The following LOXL2 variants were observed in gnomAD, a reference collection of about 807,000 sequenced individuals.
LOXL2 encodes the protein lysyl oxidase homolog 2.
In LOXL2, 70 loss-of-function variants were observed where a neutral mutation model predicts 93.0. The observed-to-expected ratio is 0.75, with a 90% confidence interval of 0.62 to 0.92. The LOEUF is 0.92. Ranked by LOEUF, LOXL2 falls within the 40% of genes least tolerant of loss-of-function variation. The pLI is 0.00. For synonymous variants in LOXL2, 438 were observed against 413.2 expected (o/e 1.06, Z -0.73); for missense variants, 973 against 1,054.9 (o/e 0.92, Z 1.08).
intron 10 of LOXL2, 35 bp from the exon 11 acceptor site, chr8:23,303,432 T>C (rs1269126678): frequency 7.8e-7 from 1 of 1,283,174 alleles, no homozygotes; most frequent in South Asian, 1.2e-5. Flanking sequence ...GAGGTCAGTT[T>C]CTGGAGCAAC....
Position 23,297,339 on chromosome 8 carries a change from C to T in LOXL2, c.*704G>A, listed in dbSNP as rs1486677190. On this transcript the variant is annotated 3_prime_UTR_variant, in exon 14 of 14. Coordinates refer to ENST00000389131, the MANE Select transcript of LOXL2 (RefSeq NM_002318.3). ...ACAACAGGAAGATGAGTCACTTACACAGTGGGTTGGTTTTTCCTTAGATTT... is the reference window on the plus strand; with the variant it reads ...ACAACAGGAAGATGAGTCACTTACATAGTGGGTTGGTTTTTCCTTAGATTT... The T allele has an allele frequency of 6.6e-6, 1 of 152,214 alleles. No homozygotes were observed. Among genetic ancestry groups the T allele is most frequent in the East Asian group, 1.9e-4 (1 of 5,200 alleles). 9.4% of individuals were successfully genotyped at this position (152,214 alleles called of 1,614,324 possible).
chr8:23,355,308 C>T (rs1804175993), intron 3 of LOXL2, among the ~76,000 whole-genome samples: 1 of 130,356 alleles, frequency 7.7e-6, no homozygotes, highest in South Asian at 2.5e-4. Context: ...TGAAGAGAAC[C>T]ATCTCCCCCC....
chr8:23,397,778 C>CA lies in LOXL2; in HGVS notation c.-84+6175dup, dbSNP rs57059999. Among the ~76,000 whole-genome samples, 756 of 90,676 alleles carry CA rather than the reference C, an allele frequency of 8.3e-3. 4 individuals are homozygous for CA. Among genetic ancestry groups the CA allele is most frequent in the East Asian group, 0.033 (100 of 3,070 alleles). The allele number at this position is 90,676 out of a possible 152,430, so 59.5% of individuals were successfully genotyped here. On this transcript the variant is annotated intron_variant, in intron 1 of 13. Transcript: ENST00000389131. ...TGGGCAACAGAGCAAGACTCTGTCT[C>CA]AAAAAAAAAAAAAAAAAAGAAAGAA...
chr8:23,327,239 C>A (rs964687859), intron 6 of LOXL2, among the ~76,000 whole-genome samples: 2 of 152,238 alleles, frequency 1.3e-5, no homozygotes, highest in African/African-American at 4.8e-5. Flanking sequence ...ATGAGCTCCA[C>A]TTCTAGAAGG....
intron 1 of LOXL2, chr8:23,386,056 A>G (rs759624125): frequency 2.6e-6 from 2 of 765,060 alleles, no homozygotes; most frequent in East Asian, 2.4e-5. Flanking sequence ...CTAAGGAAAA[A>G]CCGAGAGACA....
chr8:23,301,966 C>A, intron 12 of LOXL2, 61 bp downstream of exon 12: 1 of 1,596,858 alleles, frequency 6.3e-7, no homozygotes, highest in Non-Finnish European at 8.6e-7. Flanking sequence ...GGGAAGGAGC[C>A]TGTGGAGGTG....
chr8:23,334,201 G>A (rs1803752363), intron 4 of LOXL2, among the ~76,000 whole-genome samples: 1 of 152,162 alleles, frequency 6.6e-6, no homozygotes. Context: ...ACCACGCCCA[G>A]CTAATTTTTG....
At chr8:23,403,239 C>T (rs1304551455) in intron 1 of LOXL2, among the ~76,000 whole-genome samples, 1 of 152,274 alleles carries the variant, frequency 6.6e-6, no homozygotes, top group South Asian at 2.1e-4. Flanking sequence ...CGCTCGTGCC[C>T]GTTCTTTCCA....
intron 3 of LOXL2, among the ~76,000 whole-genome samples, chr8:23,344,972 C>T (rs977472677): frequency 1.3e-5 from 2 of 152,192 alleles, no homozygotes; most frequent in African/African-American, 4.8e-5. Context: ...ACCCCAACCA[C>T]AGCGCCCTGT....
At chr8:23,303,661 G>A (rs1803178757) in intron 10 of LOXL2, among the ~76,000 whole-genome samples, 1 of 152,186 alleles carries the variant, frequency 6.6e-6, no homozygotes, top group South Asian at 2.1e-4. Flanking sequence ...GTAATGCATG[G>A]GGTGCTGTGG....
intron 1 of LOXL2, among the ~76,000 whole-genome samples, chr8:23,375,544 C>G (rs1173074178): frequency 5.3e-5 from 8 of 152,122 alleles, no homozygotes; most frequent in Admixed American, 5.2e-4. Flanking sequence ...GGCAGTATGG[C>G]CATTTTCACG....
At chr8:23,377,617 G>A (rs1037704878) in intron 1 of LOXL2, among the ~76,000 whole-genome samples, 2 of 152,124 alleles carry the variant, frequency 1.3e-5, no homozygotes, top group African/African-American at 4.8e-5. Flanking sequence ...ATGAATCTGG[G>A]TGCTCCTGCA....
chr8:23,323,852 C>T (rs908296882), intron 6 of LOXL2, among the ~76,000 whole-genome samples: 10 of 152,260 alleles, frequency 6.6e-5, no homozygotes, highest in African/African-American at 1.7e-4. Flanking sequence ...CAGGCACATG[C>T]CACCATGCCC....
At chr8:23,327,586 C>T (rs9792326) in intron 6 of LOXL2, among the ~76,000 whole-genome samples, 88,947 of 151,824 alleles carry the variant, frequency 0.59, 28,502 homozygotes, top group Middle Eastern at 0.73. Flanking sequence ...AGGAAATGAC[C>T]ATGACTTCCC....
intron 1 of LOXL2, among the ~76,000 whole-genome samples, chr8:23,403,025 G>T (rs770716785): frequency 6.6e-6 from 1 of 152,076 alleles, no homozygotes; most frequent in African/African-American, 2.4e-5. Flanking sequence ...GCACGGAGAG[G>T]AGGGAACCTC....
intron 1 of LOXL2, among the ~76,000 whole-genome samples, chr8:23,383,499 C>T (rs1171873478): frequency 6.6e-6 from 1 of 152,004 alleles, no homozygotes; most frequent in Non-Finnish European, 1.5e-5. Flanking sequence ...ATTTCTATTC[C>T]AATATTCACA....
At chr8:23,323,012 C>T (rs1009250971) in intron 6 of LOXL2, among the ~76,000 whole-genome samples, 4 of 152,184 alleles carry the variant, frequency 2.6e-5, no homozygotes, top group Admixed American at 6.5e-5. Context: ...TCGACTCTGC[C>T]GGAGAGTTCT....
At position 23,328,479 on chromosome 8, in the gene LOXL2, G is replaced by A. The variant is rs777151562; in HGVS notation, c.1053C>T (p.Cys351=). The change falls in exon 6 of 14, where the codon TGC becomes TGT. Residue 351 remains cysteine (C), a synonymous_variant. Coordinates refer to ENST00000389131, the MANE Select transcript of LOXL2 (RefSeq NM_002318.3). Reference sequence around the variant, plus strand: ...CCGACACCAGGTCCCACTTGTCGTCGCAGACGGTCCCCCATTCTCCATTTT... The same window carrying A: ...CCGACACCAGGTCCCACTTGTCGTCACAGACGGTCCCCCATTCTCCATTTT... ...VLKNGEWGTV[C]DDKWDLVSAS... is the part of the protein sequence containing the mutation. The A allele has an allele frequency of 6.8e-6, 11 of 1,613,944 alleles. No homozygotes were observed. The highest frequency in any genetic ancestry group is 4.5e-5 in the East Asian group (2 of 44,868).
intron 9 of LOXL2, among the ~76,000 whole-genome samples, chr8:23,315,819 T>G (rs572236643): frequency 6.6e-6 from 1 of 152,246 alleles, no homozygotes; most frequent in Admixed American, 6.5e-5. Flanking sequence ...TCTGTTTTTA[T>G]TTTATGCTAT....
Sources: gnomAD v4.1 joint callset for allele counts (sites outside exome capture counted in the v4.1 genomes callset) on GRCh38, gnomAD v4.1.1 for gene constraint, MANE v1.5 for transcripts, NCBI Gene and HGNC (gene_info 2026-07-23, HGNC 2026-07-21) for gene names.